The following COL23A1 variants were observed in gnomAD, a reference collection of about 807,000 sequenced individuals.
COL23A1 encodes collagen alpha-1(XXIII) chain.
Under a neutral mutation model 99.3 loss-of-function variants are expected in COL23A1, and 97 were observed. The ratio of observed to expected loss-of-function variants is 0.98; its 90% CI spans 0.83 to 1.16. The LOEUF (loss-of-function observed/expected upper bound fraction) is 1.16. COL23A1 is among the 50% of genes most tolerant of loss of function. The pLI is 0.00. For missense variants in COL23A1, 762 were observed against 757.4 expected (o/e 1.01, Z -0.07); for synonymous variants, 320 against 308.2 (o/e 1.04, Z -0.40).
intron 18 of COL23A1, 81 bp from the exon 19 acceptor site, chr5:178,249,287 T>A: frequency 2.9e-6 from 4 of 1,356,190 alleles, no homozygotes; most frequent in Non-Finnish European, 4.2e-6. Flanking sequence ...CAGAGCTTAG[T>A]TCATGCTAGG....
At chr5:178,462,716 G>A (rs889673824) in intron 2 of COL23A1, among the ~76,000 whole-genome samples, 12 of 152,094 alleles carry the variant, frequency 7.9e-5, no homozygotes, top group South Asian at 2.1e-4. Context: ...AAAACCTTCC[G>A]GGATTTAACA....
intron 2 of COL23A1, among the ~76,000 whole-genome samples, chr5:178,358,625 GTATGTGTC>G (rs1215485434): frequency 9.5e-5 from 14 of 146,598 alleles, no homozygotes; most frequent in Admixed American, 2.7e-4. Flanking sequence ...ATGTATGTGT[GTATGTGTC>G]TAGTGTGTGT....
chr5:178,355,056 C>CA (rs57506588), intron 2 of COL23A1, among the ~76,000 whole-genome samples: 45,808 of 117,102 alleles, frequency 0.39, 7,306 homozygotes, highest in Middle Eastern at 0.48. Flanking sequence ...GACTTTGTCT[C>CA]AAAAAAAAAA....
chr5:178,311,520 G>A (rs989795080), intron 2 of COL23A1, among the ~76,000 whole-genome samples: 1 of 94,018 alleles, frequency 1.1e-5, no homozygotes, highest in Non-Finnish European at 2.5e-5. Context: ...GTGTGTGTGT[G>A]TGTGTGTGTG....
intron 2 of COL23A1, among the ~76,000 whole-genome samples, chr5:178,491,435 A>T (rs1757929455): frequency 6.6e-6 from 1 of 152,132 alleles, no homozygotes; most frequent in East Asian, 1.9e-4. Flanking sequence ...CACAGACATG[A>T]CTTTCTGCAG....
At chr5:178,535,917 G>A (rs1254464799) in intron 2 of COL23A1, among the ~76,000 whole-genome samples, 1 of 152,264 alleles carries the variant, frequency 6.6e-6, no homozygotes, top group Non-Finnish European at 1.5e-5. Flanking sequence ...GGGGATTCCG[G>A]CCACCTTTTG....
chr5:178,523,867 A>G (rs1760160567), intron 2 of COL23A1, among the ~76,000 whole-genome samples: 2 of 152,186 alleles, frequency 1.3e-5, no homozygotes, highest in Non-Finnish European at 2.9e-5. Context: ...TTACACGGGG[A>G]GAGGCAAGTT....
chr5:178,571,224 T>C (rs1221602516), intron 1 of COL23A1, among the ~76,000 whole-genome samples: 2 of 152,006 alleles, frequency 1.3e-5, no homozygotes, highest in African/African-American at 4.8e-5. Context: ...TAGCCGGGCA[T>C]AGTGGCAGGT....
chr5:178,575,139 T>C (rs1211471012), intron 1 of COL23A1, among the ~76,000 whole-genome samples: 2 of 152,168 alleles, frequency 1.3e-5, no homozygotes, highest in Non-Finnish European at 2.9e-5. Context: ...TCTTGCCTTA[T>C]GAGTGCTGCA....
chr5:178,373,528 T>C (rs1025953453), intron 2 of COL23A1, among the ~76,000 whole-genome samples: 2 of 152,214 alleles, frequency 1.3e-5, no homozygotes, highest in Non-Finnish European at 2.9e-5. Context: ...GTGATTCTCC[T>C]GCCTCAGCCT....
intron 11 of COL23A1, among the ~76,000 whole-genome samples, chr5:178,260,663 G>A (rs773122307): frequency 4.6e-5 from 7 of 152,154 alleles, no homozygotes; most frequent in East Asian, 1.9e-4. Context: ...GTGTGGTGGC[G>A]CACGCCTGTA....
intron 5 of COL23A1, among the ~76,000 whole-genome samples, chr5:178,274,932 G>T (rs571268602): frequency 5.9e-5 from 9 of 152,294 alleles, no homozygotes; most frequent in Admixed American, 1.3e-4. Context: ...TACAAGCCTT[G>T]GTTCTGCTTT....
chr5:178,274,250 A>G (rs970019842), intron 5 of COL23A1, among the ~76,000 whole-genome samples: 1 of 152,200 alleles, frequency 6.6e-6, no homozygotes, highest in Non-Finnish European at 1.5e-5. Context: ...CACGCAAAGC[A>G]ACTGAGGCGT....
rs1253492611 is a variant in COL23A1 at position 178,248,274 on chromosome 5, T to C, written c.1150-20A>G. ...AGCGCCCTGCAGGACGGCAATGGCCTGTGAGTCCTTTGTGTCCAGCACCTG... is the reference window on the plus strand; with the variant it reads ...AGCGCCCTGCAGGACGGCAATGGCCCGTGAGTCCTTTGTGTCCAGCACCTG... On this transcript the variant is annotated intron_variant, in intron 19 of 28. Coordinates refer to ENST00000390654, the MANE Select transcript of COL23A1 (RefSeq NM_173465.4). 2 of 1,603,022 alleles carry C rather than the reference T, an allele frequency of 1.2e-6. No homozygotes were observed. The highest frequency in any genetic ancestry group is 1.7e-5 in the Admixed American group (1 of 59,504).
chr5:178,491,891 C>G (rs1044549652), intron 2 of COL23A1, among the ~76,000 whole-genome samples: 1 of 152,080 alleles, frequency 6.6e-6, no homozygotes, highest in Non-Finnish European at 1.5e-5. Flanking sequence ...CCTGCCACCA[C>G]GTCCAGCTCA....
intron 2 of COL23A1, among the ~76,000 whole-genome samples, chr5:178,316,593 A>C (rs1240945556): frequency 1.3e-5 from 2 of 152,226 alleles, no homozygotes; most frequent in East Asian, 3.8e-4. Flanking sequence ...CTGTGCCTTC[A>C]TGCCTTTATA....
intron 2 of COL23A1, among the ~76,000 whole-genome samples, chr5:178,389,239 C>T (rs1190770467): frequency 6.6e-6 from 1 of 152,172 alleles, no homozygotes; most frequent in Non-Finnish European, 1.5e-5. Context: ...CTTTCCTTTT[C>T]CTCCACCCAG....
At chr5:178,278,896 G>A (rs145601670) in intron 5 of COL23A1, among the ~76,000 whole-genome samples, 2 of 152,278 alleles carry the variant, frequency 1.3e-5, no homozygotes, top group African/African-American at 2.4e-5. Flanking sequence ...GCTGTGACGC[G>A]CTGGGCCAGC....
chr5:178,579,605 T>C (rs1170187168), intron 1 of COL23A1, among the ~76,000 whole-genome samples: 2 of 152,120 alleles, frequency 1.3e-5, no homozygotes, highest in Non-Finnish European at 2.9e-5. Context: ...AGACACCCAC[T>C]ACCGCGCACG....
Sources: gnomAD v4.1 joint callset for allele counts (sites outside exome capture counted in the v4.1 genomes callset) on GRCh38, gnomAD v4.1.1 for gene constraint, MANE v1.5 for transcripts, NCBI Gene and HGNC (gene_info 2026-07-23, HGNC 2026-07-21) for gene names.